Variants in NALF1 observed in about 807,000 individuals in gnomAD.
NALF1 encodes the protein family with sequence similarity 155 member A.
Under a neutral mutation model 48.4 loss-of-function variants are expected in NALF1, and 3 were observed. The ratio of observed to expected loss-of-function variants is 0.06; its 90% CI spans 0.03 to 0.16. The LOEUF (loss-of-function observed/expected upper bound fraction) is 0.16, where lower values mean the gene tolerates loss of function less well. Among genes scored for constraint, NALF1 ranks in the 10% least tolerant of loss-of-function variants. The pLI is 1.00. For synonymous variants in NALF1, 262 were observed against 245.7 expected, an observed-to-expected ratio of 1.07 and a Z score of -0.62; for missense variants, 526 against 571.5, an observed-to-expected ratio of 0.92 and a Z score of 0.81.
chr13:107,775,882 G>A (rs548820255), intron 1 of NALF1, among the ~76,000 whole-genome samples: 1 of 152,330 alleles, frequency 6.6e-6, no homozygotes, highest in South Asian at 2.1e-4. Flanking sequence ...AGGTTAGTTA[G>A]GAAATGACCA....
intron 1 of NALF1, among the ~76,000 whole-genome samples, chr13:107,454,343 G>A (rs1447659249): frequency 6.6e-6 from 1 of 152,194 alleles, no homozygotes; most frequent in Non-Finnish European, 1.5e-5. Flanking sequence ...GTCTGGGGAG[G>A]CCTCAGGAAA....
At chr13:107,423,566 A>C (rs927918312) in intron 1 of NALF1, among the ~76,000 whole-genome samples, 7 of 152,140 alleles carry the variant, frequency 4.6e-5, no homozygotes, top group Admixed American at 4.6e-4. Context: ...AGGAAAAAAA[A>C]CTCGGGTTTC....
intron 1 of NALF1, among the ~76,000 whole-genome samples, chr13:107,259,817 C>T (rs192653198): frequency 2.6e-5 from 4 of 152,234 alleles, no homozygotes; most frequent in African/African-American, 4.8e-5. Flanking sequence ...TACTTGAAAG[C>T]GAACAATACT....
At chr13:107,656,455 G>T (rs1405052050) in intron 1 of NALF1, among the ~76,000 whole-genome samples, 2 of 152,034 alleles carry the variant, frequency 1.3e-5, no homozygotes, top group East Asian at 3.9e-4. Flanking sequence ...AAACCACAAT[G>T]CGATACCACC....
chr13:107,339,580 C>T (rs1054330644), intron 1 of NALF1, among the ~76,000 whole-genome samples: 2 of 152,160 alleles, frequency 1.3e-5, no homozygotes, highest in African/African-American at 4.8e-5. Flanking sequence ...AAAAACCATA[C>T]CCCAAAAGAA....
intron 1 of NALF1, among the ~76,000 whole-genome samples, chr13:107,609,090 G>A (rs555898895): frequency 4.3e-4 from 65 of 152,112 alleles, no homozygotes; most frequent in East Asian, 9.8e-4. Context: ...TCCCCCTGCC[G>A]TTGGTATAGC....
chr13:107,793,017 A>T (rs1282599851), intron 1 of NALF1, among the ~76,000 whole-genome samples: 5 of 152,210 alleles, frequency 3.3e-5, no homozygotes, highest in Non-Finnish European at 7.3e-5. Flanking sequence ...TGTAAATAAT[A>T]TTTATGGACA....
intron 1 of NALF1, among the ~76,000 whole-genome samples, chr13:107,651,929 A>T (rs1046622907): frequency 2.6e-5 from 4 of 152,214 alleles, no homozygotes; most frequent in Admixed American, 6.5e-5. Flanking sequence ...CGAATATATC[A>T]AAGCTAATTT....
At chr13:107,274,481 G>A (rs1171997547) in intron 1 of NALF1, among the ~76,000 whole-genome samples, 3 of 152,136 alleles carry the variant, frequency 2.0e-5, no homozygotes, top group Non-Finnish European at 4.4e-5. Context: ...CGGATGGCTT[G>A]AGCCCAGGAG....
chr13:107,637,332 A>C (rs1880006866), intron 1 of NALF1, among the ~76,000 whole-genome samples: 1 of 151,978 alleles, frequency 6.6e-6, no homozygotes, highest in African/African-American at 2.4e-5. Context: ...TAATTATTCT[A>C]TTTGGGGAAT....
chr13:107,410,087 T>C (rs1883964235), intron 1 of NALF1, among the ~76,000 whole-genome samples: 1 of 152,254 alleles, frequency 6.6e-6, no homozygotes, highest in South Asian at 2.1e-4. Context: ...GAAAATATTC[T>C]CTTTCTATAT....
chr13:107,322,256 T>G (rs1198318321), intron 1 of NALF1, among the ~76,000 whole-genome samples: 1 of 152,188 alleles, frequency 6.6e-6, no homozygotes. Context: ...CTCACCTACA[T>G]GTAACGTGGA....
chr13:107,216,544 C>G (rs1879876775), intron 1 of NALF1, among the ~76,000 whole-genome samples: 1 of 152,198 alleles, frequency 6.6e-6, no homozygotes. Flanking sequence ...CACCCCTTGC[C>G]TTCTAGGGCT....
intron 1 of NALF1, among the ~76,000 whole-genome samples, chr13:107,655,852 G>A (rs1053125639): frequency 2.0e-5 from 3 of 151,964 alleles, no homozygotes; most frequent in African/African-American, 7.2e-5. Context: ...CAGAAATAAA[G>A]CCAAATACTT....
At chr13:107,464,969 C>T (rs1340161648) in intron 1 of NALF1, among the ~76,000 whole-genome samples, 4 of 151,798 alleles carry the variant, frequency 2.6e-5, no homozygotes, top group Admixed American at 2.6e-4. Context: ...ATAAGATAGG[C>T]TTTATTTATT....
At chr13:107,495,636 G>A (rs1875309850) in intron 1 of NALF1, among the ~76,000 whole-genome samples, 1 of 152,100 alleles carries the variant, frequency 6.6e-6, no homozygotes, top group African/African-American at 2.4e-5. Context: ...CATAATTAAA[G>A]TTGTGGTTAC....
chr13:107,544,737 T>C (rs1035204818), intron 1 of NALF1, among the ~76,000 whole-genome samples: 3 of 152,144 alleles, frequency 2.0e-5, no homozygotes, highest in Non-Finnish European at 4.4e-5. Context: ...AACTAATGCT[T>C]TGTGACAGGA....
chr13:107,518,763 G>A (rs1876142116), intron 1 of NALF1, among the ~76,000 whole-genome samples: 3 of 152,140 alleles, frequency 2.0e-5, no homozygotes, highest in African/African-American at 7.2e-5. Context: ...TGGACATTCA[G>A]GAAGCATGCT....
chr13:107,541,188 G>A lies in NALF1; in HGVS notation c.915+324494C>T, dbSNP rs189640411. On this transcript the variant is annotated intron_variant, in intron 1 of 2. Transcript: ENST00000375915. ...TGTCAAAAAATAAAAAGCTTGGATC[G>A]TTACATGTCTGTTTGAAAACACATT... 2.4e-3 allele frequency among the ~76,000 whole-genome samples: 363 copies of A among 152,150 alleles called. 1 individual carries two copies. Among genetic ancestry groups the A allele is most frequent in the African/African-American group, 8.3e-3 (343 of 41,556 alleles).
Sources: gnomAD v4.1 joint callset for allele counts (sites outside exome capture counted in the v4.1 genomes callset) on GRCh38, gnomAD v4.1.1 for gene constraint, MANE v1.5 for transcripts, NCBI Gene and HGNC (gene_info 2026-07-23, HGNC 2026-07-21) for gene names.